DOK6: variants seen among roughly 807,000 people sequenced by gnomAD.
The protein encoded by DOK6 is docking protein 6.
A neutral mutation model predicts 44.0 loss-of-function variants in DOK6; 22 were observed. The observed-to-expected ratio is 0.50, with a 90% CI of 0.36 to 0.71. DOK6 has a LOEUF of 0.71. Among genes scored for constraint, DOK6 ranks in the 30% least tolerant of loss-of-function variants. The pLI is 0.00. For missense variants in DOK6, 340 were observed against 416.4 expected (o/e 0.82, Z 1.60); for synonymous variants, 166 against 145.5 (o/e 1.14, Z -1.01).
chr18:69,614,931 G>T (rs1021577933), intron 3 of DOK6, among the ~76,000 whole-genome samples: 1 of 151,944 alleles, frequency 6.6e-6, no homozygotes, highest in South Asian at 2.1e-4. Flanking sequence ...AGATTGGAGG[G>T]GCTCACTTTC....
At chr18:69,562,517 C>T (rs771826082) in intron 1 of DOK6, among the ~76,000 whole-genome samples, 1 of 152,034 alleles carries the variant, frequency 6.6e-6, no homozygotes, top group Non-Finnish European at 1.5e-5. Flanking sequence ...GCAATGCAGA[C>T]TCTTTTTACT....
At chr18:69,807,278 C>G (rs1427560385) in intron 7 of DOK6, among the ~76,000 whole-genome samples, 2 of 151,748 alleles carry the variant, frequency 1.3e-5, no homozygotes, top group African/African-American at 4.8e-5. Flanking sequence ...AAAGCAAAAA[C>G]TCCTATAGTA....
intron 1 of DOK6, among the ~76,000 whole-genome samples, chr18:69,421,078 G>A (rs1978479275): frequency 6.6e-6 from 1 of 152,054 alleles, no homozygotes; most frequent in Non-Finnish European, 1.5e-5. Context: ...CACTTTAAAT[G>A]TACTCAAAGA....
At chr18:69,599,068 C>T (rs962100710) in intron 2 of DOK6, among the ~76,000 whole-genome samples, 1 of 152,070 alleles carries the variant, frequency 6.6e-6, no homozygotes, top group African/African-American at 2.4e-5. Flanking sequence ...TAATGAAAAT[C>T]CTCTGTTATA....
rs1003530840 is a variant in DOK6 at position 69,431,304 on chromosome 18, T to G, written c.66+29994T>G. The stretch of plus-strand genomic sequence containing the variant: ...TTGGAAACTACAGAGTTGAGATAAT[T>G]ACAGAGAGCTGTGTCCAGTTACCCC... On this transcript the variant is annotated intron_variant, in intron 1 of 7. Coordinates refer to ENST00000382713, the MANE Select transcript of DOK6 (RefSeq NM_152721.6). Among the ~76,000 whole-genome samples the G allele has an allele frequency of 2.6e-5, 4 of 152,174 alleles. 1 individual carries two copies. The highest frequency in any genetic ancestry group is 2.6e-4 in the Admixed American group (4 of 15,274).
intron 1 of DOK6, among the ~76,000 whole-genome samples, chr18:69,548,506 A>ATT (rs1308579709): frequency 6.6e-6 from 1 of 151,590 alleles, no homozygotes; most frequent in African/African-American, 2.4e-5. Context: ...AATTTTGTAC[A>ATT]AAGGACGGCC....
chr18:69,697,038 A>G (rs971197642), intron 4 of DOK6, among the ~76,000 whole-genome samples: 3 of 152,270 alleles, frequency 2.0e-5, no homozygotes, highest in South Asian at 2.1e-4. Context: ...TAGATAAGCT[A>G]TTGTCCAAAA....
intron 7 of DOK6, among the ~76,000 whole-genome samples, chr18:69,775,596 G>T (rs1027182121): frequency 1.3e-5 from 2 of 151,324 alleles, no homozygotes; most frequent in Non-Finnish European, 3.0e-5. Flanking sequence ...TTAAATTAAT[G>T]TAATTAGAAG....
intron 7 of DOK6, among the ~76,000 whole-genome samples, chr18:69,772,655 A>T (rs1979922580): frequency 1.3e-5 from 2 of 151,966 alleles, no homozygotes; most frequent in African/African-American, 4.8e-5. Flanking sequence ...TCCACATGCA[A>T]AAGAATGAAA....
intron 3 of DOK6, among the ~76,000 whole-genome samples, chr18:69,658,104 C>A (rs894554520): frequency 6.6e-6 from 1 of 152,044 alleles, no homozygotes; most frequent in Admixed American, 6.6e-5. Context: ...GGCACCACCA[C>A]GCCCAGCTGA....
chr18:69,425,974 CA>C (rs1874920359), intron 1 of DOK6, among the ~76,000 whole-genome samples: 1 of 152,060 alleles, frequency 6.6e-6, no homozygotes, highest in Admixed American at 6.6e-5. Flanking sequence ...TATTCTCTTA[CA>C]TTTTATTCTA....
At chr18:69,583,235 A>C (rs1268579982) in intron 2 of DOK6, among the ~76,000 whole-genome samples, 1 of 152,098 alleles carries the variant, frequency 6.6e-6, no homozygotes, top group African/African-American at 2.4e-5. Context: ...AACTTTTCCA[A>C]ATCTGATGGG....
intron 7 of DOK6, chr18:69,781,537 T>C (rs1449583639): frequency 6.6e-6 from 1 of 152,164 alleles, no homozygotes; most frequent in African/African-American, 2.4e-5. Flanking sequence ...AGTGAAATTA[T>C]AGTGGGTAAA....
At chr18:69,712,074 G>A (rs916097618) in intron 5 of DOK6, among the ~76,000 whole-genome samples, 1 of 151,116 alleles carries the variant, frequency 6.6e-6, no homozygotes, top group Non-Finnish European at 1.5e-5. Context: ...GAGGTCAGGA[G>A]ATCGAGACCA....
At chr18:69,724,279 T>C (rs1485938317) in intron 5 of DOK6, among the ~76,000 whole-genome samples, 2 of 152,196 alleles carry the variant, frequency 1.3e-5, no homozygotes, top group African/African-American at 4.8e-5. Flanking sequence ...CTATAATTCA[T>C]CCTTACATAC....
rs554095666 is a variant in DOK6, at chr18:69,715,988, C to T, written c.599+17395C>T. Among the ~76,000 whole-genome samples, 77 of 152,256 alleles carry T rather than the reference C, an allele frequency of 5.1e-4. No homozygotes were observed. The South Asian group carries it at 0.015, about 30-fold the overall frequency. ...CAGAGAACTAGAAAACAAAACCATTCGTTATTCTGCTAGAATTAATTTTTT... is the reference window on the plus strand; with the variant it reads ...CAGAGAACTAGAAAACAAAACCATTTGTTATTCTGCTAGAATTAATTTTTT... On this transcript the variant is annotated intron_variant, in intron 5 of 7. Transcript: ENST00000382713.
intron 1 of DOK6, among the ~76,000 whole-genome samples, chr18:69,515,896 A>ATCT (rs35778339): frequency 0.41 from 62,493 of 151,960 alleles, 13,687 homozygotes; most frequent in Non-Finnish European, 0.49. Context: ...ATGCAAACAG[A>ATCT]TCTGAATTTC....
At chr18:69,436,660 C>G (rs1978988496) in intron 1 of DOK6, among the ~76,000 whole-genome samples, 1 of 152,044 alleles carries the variant, frequency 6.6e-6, no homozygotes, top group African/African-American at 2.4e-5. Flanking sequence ...TTTATAATCC[C>G]TCGGGTATAT....
At chr18:69,779,408 T>G (rs1005303821) in intron 7 of DOK6, among the ~76,000 whole-genome samples, 2 of 151,616 alleles carry the variant, frequency 1.3e-5, no homozygotes, top group African/African-American at 4.8e-5. Flanking sequence ...CTCCAGTACC[T>G]ACTGAGCATA....
Sources: allele counts gnomAD v4.1 joint callset (sites outside exome capture counted in the v4.1 genomes callset), GRCh38; gene constraint gnomAD v4.1.1; transcripts MANE v1.5; gene names NCBI Gene and HGNC (gene_info 2026-07-23, HGNC 2026-07-21).